The following LAMB1 variants were observed in gnomAD, a reference collection of about 807,000 sequenced individuals.
The protein encoded by LAMB1 is laminin subunit beta 1.
In LAMB1, 121 loss-of-function variants were observed where a neutral mutation model predicts 222.3. The ratio of observed to expected loss-of-function variants is 0.54; its 90% CI spans 0.47 to 0.63. The LOEUF is 0.63. Among genes scored for constraint, LAMB1 ranks in the 30% least tolerant of loss-of-function variants. The probability of loss-of-function intolerance (pLI) is 0.00; values close to 1 mark genes in which losing one functional copy is unlikely to be tolerated. For synonymous variants in LAMB1, 794 were observed against 807.2 expected (o/e 0.98, Z 0.28); for missense variants, 2,172 against 2,240.8 (o/e 0.97, Z 0.62).
chr7:107,953,233 T>C (rs2033297640), intron 22 of LAMB1, among the ~76,000 whole-genome samples: 1 of 151,980 alleles, frequency 6.6e-6, no homozygotes, highest in South Asian at 2.1e-4. Flanking sequence ...GGGGGGTGCC[T>C]GCAATCCCAC....
At chr7:107,965,834 G>A (rs938615528) in intron 13 of LAMB1, among the ~76,000 whole-genome samples, 1 of 152,000 alleles carries the variant, frequency 6.6e-6, no homozygotes. Context: ...GTGCGCAGTG[G>A]CTCACGTCTA....
At chr7:107,943,805 G>A (rs1463013420) in intron 24 of LAMB1, among the ~76,000 whole-genome samples, 1 of 152,182 alleles carries the variant, frequency 6.6e-6, no homozygotes, top group African/African-American at 2.4e-5. Context: ...GAGAAAAAAA[G>A]AGAGCATGTG....
intron 29 of LAMB1, among the ~76,000 whole-genome samples, chr7:107,930,244 A>G (rs1291583535): frequency 6.6e-6 from 1 of 152,136 alleles, no homozygotes; most frequent in African/African-American, 2.4e-5. Context: ...AAGATGGTGA[A>G]AAAAAAAGTT....
intron 20 of LAMB1, among the ~76,000 whole-genome samples, chr7:107,958,679 G>A (rs1465755973): frequency 6.6e-6 from 1 of 152,060 alleles, no homozygotes; most frequent in Non-Finnish European, 1.5e-5. Context: ...TTTATCTATT[G>A]AGCTATCCTA....
At chr7:107,943,041 T>C (rs1240200351) in intron 24 of LAMB1, among the ~76,000 whole-genome samples, 2 of 152,208 alleles carry the variant, frequency 1.3e-5, no homozygotes, top group African/African-American at 4.8e-5. Flanking sequence ...ACTTAAAGTA[T>C]GTTTCATTTT....
At chr7:107,959,549 G>C (rs1439539610) in intron 19 of LAMB1, 69 bp from the exon 20 acceptor site, 2 of 1,606,056 alleles carry the variant, frequency 1.2e-6, no homozygotes, top group Non-Finnish European at 1.7e-6. Flanking sequence ...CCTTTTATAA[G>C]CACCCTGTCC....
intron 8 of LAMB1, among the ~76,000 whole-genome samples, chr7:107,979,614 C>T (rs1170616832): frequency 6.6e-6 from 1 of 151,874 alleles, no homozygotes; most frequent in Non-Finnish European, 1.5e-5. Flanking sequence ...ATAGAATAAA[C>T]TCATCTATCC....
Position 107,993,203 on chromosome 7 carries a change from G to A in LAMB1, c.423+1684C>T, listed in dbSNP as rs148318491. 9.9e-3 allele frequency among the ~76,000 whole-genome samples: 1,506 copies of A among 152,208 alleles called. 22 individuals carry two copies. Among genetic ancestry groups the A allele is most frequent in the African/African-American group, 0.031 (1,292 of 41,524 alleles). On this transcript the variant is annotated intron_variant, in intron 5 of 33. Coordinates refer to ENST00000222399, the MANE Select transcript of LAMB1 (RefSeq NM_002291.3). ...GGCTGGAGTGCAGTGGCATGATCTC[G>A]GCTCACTGCAACCTTCGCCTGCAGG...
In LAMB1 at chr7:107,964,565, G is replaced by A; in HGVS notation, c.1685C>T (p.Ala562Val). The A allele has an allele frequency of 6.2e-7, 1 of 1,614,122 alleles. No individual in the cohort carries two copies. Among genetic ancestry groups the A allele is most frequent in the Non-Finnish European group, 8.5e-7 (1 of 1,180,010 alleles). ...TCCCCTACTCACAGGCCCCAAGTTG[G>A]CTTCCTCCGCTTCATAGAGGTAGTG... ...LDHYLYEAEEANLGPGVSIVE... is the reference protein window; with the variant it reads ...LDHYLYEAEEVNLGPGVSIVE... Residue 562 changes from alanine to valine, a missense_variant, in exon 14 of 34, where the codon GCC becomes GTC. Physicochemically the swap from Ala to Val is moderately conservative, Grantham distance 64 (BLOSUM62 0). Coordinates refer to ENST00000222399, the MANE Select transcript of LAMB1 (RefSeq NM_002291.3).
intron 24 of LAMB1, among the ~76,000 whole-genome samples, chr7:107,949,642 TG>T (rs2033199710): frequency 1.3e-5 from 2 of 152,352 alleles, no homozygotes; most frequent in African/African-American, 2.4e-5. Flanking sequence ...GAAAAGTACC[TG>T]TTTATTGACA....
chr7:107,953,653 C>G lies in LAMB1; in HGVS notation c.2956G>C (p.Asp986His). 3.1e-6 allele frequency: 5 copies of G among 1,614,174 alleles called. No homozygotes were observed. Among genetic ancestry groups the G allele is most frequent in the Non-Finnish European group, 4.2e-6 (5 of 1,180,020 alleles). The change falls in exon 22 of 34, where the codon GAC (aspartate) becomes CAC (histidine). Residue 986 changes from aspartate (D) to histidine (H), a missense_variant. By Grantham distance (81) the Asp-to-His change is moderately conservative. Transcript: ENST00000222399. The stretch of plus-strand genomic sequence containing the variant: ...GTCTCCTTGTCACAGGCTTCTGGGT[C>G]TGTCGTGTCAATGTTGTTGTGACAC... ...CQCHNNIDTT[D>H]PEACDKETGR... is the part of the protein sequence containing the mutation.
intron 29 of LAMB1, 110 bp from the exon 30 acceptor site, chr7:107,929,729 A>G (rs1231014739): frequency 2.5e-6 from 2 of 793,090 alleles, no homozygotes; most frequent in African/African-American, 3.4e-5. Context: ...GTTACACACC[A>G]AGAGACACTA....
rs770614581 is a variant in LAMB1 at position 107,955,589 on chromosome 7, C to T, written c.2732G>A (p.Gly911Glu). The change falls in exon 21 of 34, where the codon GGA becomes GAA. Residue 911 changes from glycine to glutamate, a missense_variant. Gly to Glu is a moderately conservative substitution (Grantham distance 98). Coordinates refer to ENST00000222399, the MANE Select transcript of LAMB1 (RefSeq NM_002291.3). ...GCAAGGGCAAGGGCGGCAGTGATCT[C>T]CTGACCCAATGATGGGGTCGCCATA... ...GYYGDPIIGS[G>E]DHCRPCPCPD... 5.6e-6 allele frequency: 9 copies of T among 1,614,014 alleles called. No homozygotes were observed. The East Asian group carries it at 1.1e-4, about 20-fold the overall frequency.
chr7:107,996,025 C>A (rs904918295), intron 4 of LAMB1, among the ~76,000 whole-genome samples: 3 of 152,154 alleles, frequency 2.0e-5, no homozygotes. Context: ...TATATTCACA[C>A]TAACTAATCT....
chr7:107,975,968 G>GAAACCCCCT, intron 9 of LAMB1, 91 bp from the exon 10 acceptor site: 1 of 1,153,624 alleles, frequency 8.7e-7, no homozygotes, highest in Non-Finnish European at 1.2e-6. Context: ...AGGAAACCAG[G>GAAACCCCCT]GACTAAGTTC....
chr7:107,964,330 C>T (rs749424910), intron 14 of LAMB1, among the ~76,000 whole-genome samples: 2 of 152,112 alleles, frequency 1.3e-5, no homozygotes, highest in African/African-American at 2.4e-5. Flanking sequence ...CTTAAACCAA[C>T]CAAAAGCCTT....
Position 107,935,563 on chromosome 7 carries a change from T to G in LAMB1, c.4040A>C (p.Glu1347Ala), listed in dbSNP as rs199657906. Reference protein sequence around the residue: ...ASTTEPNSTVEQSALMRDRVE... With the variant: ...ASTTEPNSTVAQSALMRDRVE... Reference sequence around the variant, plus strand: ...TCTGTCTCTCATGAGGGCTGACTGCTCCACAGTGCTGTTGGGTTCTGTGGT... The same window carrying G: ...TCTGTCTCTCATGAGGGCTGACTGCGCCACAGTGCTGTTGGGTTCTGTGGT... The change falls in exon 27 of 34, where the codon GAG becomes GCG. Residue 1347 changes from glutamate (E) to alanine (A), a missense_variant. Coordinates refer to ENST00000222399, the MANE Select transcript of LAMB1 (RefSeq NM_002291.3). 8.4e-5 allele frequency: 135 copies of G among 1,613,948 alleles called. No homozygotes were observed. The East Asian group carries it at 1.5e-3, about 18-fold the overall frequency.
At chr7:107,972,933 T>C (rs375120618) in intron 13 of LAMB1, 59 bp downstream of exon 13, 14 of 1,322,848 alleles carry the variant, frequency 1.1e-5, no homozygotes, top group Non-Finnish European at 1.5e-5. Flanking sequence ...CACCCATTCC[T>C]GTAAGTCATG....
intron 5 of LAMB1, among the ~76,000 whole-genome samples, chr7:107,993,376 T>C (rs1054567511): frequency 2.0e-5 from 3 of 151,944 alleles, no homozygotes; most frequent in Non-Finnish European, 2.9e-5. Context: ...TCAAGTGATC[T>C]GCCCGCCTTG....
Sources: allele counts gnomAD v4.1 joint callset (sites outside exome capture counted in the v4.1 genomes callset), GRCh38; gene constraint gnomAD v4.1.1; transcripts MANE v1.5; gene names NCBI Gene and HGNC (gene_info 2026-07-23, HGNC 2026-07-21).